Variants in PIP4K2B observed in about 807,000 individuals in gnomAD.
PIP4K2B encodes phosphatidylinositol-5-phosphate 4-kinase type 2 beta.
Under a neutral mutation model 42.0 loss-of-function variants are expected in PIP4K2B, and 3 were observed. That is an observed-to-expected ratio of 0.07 (90% CI 0.03 to 0.18). The LOEUF (loss-of-function observed/expected upper bound fraction) is 0.18, where lower values mean the gene tolerates loss of function less well. Among genes scored for constraint, PIP4K2B ranks in the 10% least tolerant of loss-of-function variants. The pLI, the probability that PIP4K2B is intolerant of heterozygous loss-of-function variation, is 1.00. For synonymous variants in PIP4K2B, 204 were observed against 210.1 expected (o/e 0.97, Z 0.25); for missense variants, 332 against 562.3 (o/e 0.59, Z 4.14).
chr17:38,771,294 A>G (rs756576046), intron 7 of PIP4K2B, 22 bp from the exon 8 acceptor site: 1 of 1,613,850 alleles, frequency 6.2e-7, no homozygotes, highest in East Asian at 2.2e-5. Flanking sequence ...AAGGATGGAA[A>G]GATGGAAGGA....
Position 38,799,450 on chromosome 17 carries a change from AAAGAGGGGGGCGGCGG to A in PIP4K2B, c.-42_-27del. The A allele has an allele frequency of 6.5e-7, 1 of 1,548,202 alleles. No individual in the cohort carries two copies. Among genetic ancestry groups the A allele is most frequent in the Non-Finnish European group, 8.7e-7 (1 of 1,155,494 alleles). On this transcript the variant is annotated 5_prime_UTR_variant, in exon 1 of 10. Coordinates refer to ENST00000619039, the MANE Select transcript of PIP4K2B (RefSeq NM_003559.5). The surrounding 1 kb of genome is among the most constrained non-coding windows in gnomAD (Gnocchi z 4.4). ...GCCCGGGGCGGCGGCGGCGGCGGCGAAAGAGGGGGGCGGCGGAGACAGCGCACAAGCCAGCGGCCTC... is the reference window on the plus strand; with the variant it reads ...GCCCGGGGCGGCGGCGGCGGCGGCGAAGACAGCGCACAAGCCAGCGGCCTC...
At chr17:38,770,630 G>T in intron 8 of PIP4K2B, 91 bp from the exon 9 acceptor site, 1 of 766,916 alleles carries the variant, frequency 1.3e-6, no homozygotes, top group Non-Finnish European at 2.3e-6. Flanking sequence ...CAGACACAAG[G>T]CTCAGCTCCA....
chr17:38,774,951 T>G (rs916074935), intron 7 of PIP4K2B, among the ~76,000 whole-genome samples: 1 of 151,802 alleles, frequency 6.6e-6, no homozygotes, highest in Non-Finnish European at 1.5e-5. Flanking sequence ...TGTGTGTGTG[T>G]GTGTGTGTGT....
At chr17:38,794,606 C>G (rs1310144321) in intron 1 of PIP4K2B, among the ~76,000 whole-genome samples, 1 of 52,740 alleles carries the variant, frequency 1.9e-5, no homozygotes, top group Non-Finnish European at 3.3e-5. Context: ...AACCCCAATT[C>G]ATTAAAAAAA....
intron 7 of PIP4K2B, among the ~76,000 whole-genome samples, chr17:38,772,847 C>T (rs1229044855): frequency 2.6e-5 from 4 of 152,152 alleles, no homozygotes; most frequent in Admixed American, 1.3e-4. Context: ...CCCAAAAGTG[C>T]TGGGATTACA....
chr17:38,788,640 T>C (rs890419937), intron 1 of PIP4K2B, among the ~76,000 whole-genome samples: 1 of 152,000 alleles, frequency 6.6e-6, no homozygotes, highest in Non-Finnish European at 1.5e-5. Context: ...GAGGATCACT[T>C]GAGGCCAGGA....
intron 4 of PIP4K2B, 109 bp downstream of exon 4, chr17:38,780,343 C>G (rs1239300625): frequency 5.9e-6 from 5 of 844,516 alleles, no homozygotes; most frequent in Non-Finnish European, 9.0e-6. Context: ...TGATCAGAAG[C>G]AGCTGCCATT....
Position 38,780,515 on chromosome 17 carries a change from G to A in PIP4K2B, c.444C>T (p.Val148=). 1.2e-6 allele frequency: 2 copies of A among 1,614,058 alleles called. No individual in the cohort carries two copies. The highest frequency in any genetic ancestry group is 2.2e-5 in the East Asian group (1 of 44,882). ...CGTCCTCGCTGGACACAGTCTTGATGACAAAGCGCCGGTCGTAGGTGGTGA... is the reference window on the plus strand; with the variant it reads ...CGTCCTCGCTGGACACAGTCTTGATAACAAAGCGCCGGTCGTAGGTGGTGA... ...RFLTTYDRRF[V]IKTVSSEDVA... is the part of the protein sequence containing the mutation. Residue 148 remains valine, a synonymous_variant, in exon 4 of 10, where the codon GTC becomes GTT. Transcript: ENST00000619039.
At chr17:38,784,539 T>A (rs1909899996) in intron 2 of PIP4K2B, among the ~76,000 whole-genome samples, 200 bp from the exon 3 acceptor site, 1 of 152,094 alleles carries the variant, frequency 6.6e-6, no homozygotes, top group African/African-American at 2.4e-5. Flanking sequence ...CCCAGCCTCA[T>A]CTATATTCTG....
intron 7 of PIP4K2B, chr17:38,776,222 A>G (rs901657717): frequency 2.0e-4 from 63 of 316,510 alleles, no homozygotes; most frequent in Admixed American, 1.8e-3. Context: ...CGCCCACCTC[A>G]GCCTCCCAAA....
In PIP4K2B at chr17:38,793,246, CT is replaced by C. The variant is rs67325199; in HGVS notation, c.159+6019del. The stretch of plus-strand genomic sequence containing the variant: ...TCCCAGCCATCTCTGAAGATTTTTT[CT>C]TTTTTTTTTTTTTTTGAGACGGAGT... On this transcript the variant is annotated intron_variant, in intron 1 of 9. Coordinates refer to ENST00000619039, the MANE Select transcript of PIP4K2B (RefSeq NM_003559.5). Among the ~76,000 whole-genome samples, 937 of 127,998 alleles carry C rather than the reference CT, an allele frequency of 7.3e-3. 4 individuals are homozygous for C. Among genetic ancestry groups the C allele is most frequent in the African/African-American group, 0.021 (731 of 34,602 alleles). 84.0% of individuals were successfully genotyped at this position (127,998 alleles called of 152,430 possible). A position where few individuals can be genotyped will look rare whatever the true frequency, so the allele number is the denominator to read the frequency against.
chr17:38,783,173 T>C (rs228299), intron 3 of PIP4K2B, among the ~76,000 whole-genome samples: 131,023 of 138,910 alleles, frequency 0.94, 61,813 homozygotes, highest in East Asian at 1. Flanking sequence ...CCAGCCTGGA[T>C]GACAGGAGTG....
chr17:38,771,344 G>C, intron 7 of PIP4K2B, 72 bp from the exon 8 acceptor site: 3 of 1,533,012 alleles, frequency 2.0e-6, no homozygotes, highest in Non-Finnish European at 2.7e-6. Context: ...CATCCAGAAA[G>C]GGGGGAAAGG....
At chr17:38,773,005 C>A (rs1443141579) in intron 7 of PIP4K2B, among the ~76,000 whole-genome samples, 1 of 152,192 alleles carries the variant, frequency 6.6e-6, no homozygotes, top group Non-Finnish European at 1.5e-5. Flanking sequence ...AAAAAAAATT[C>A]ACGCATAGTA....
chr17:38,771,366 A>C, intron 7 of PIP4K2B, 94 bp from the exon 8 acceptor site: 1 of 1,371,910 alleles, frequency 7.3e-7, no homozygotes, highest in South Asian at 1.3e-5. Context: ...ATTCCTTTCA[A>C]CTCAATTCTA....
intron 7 of PIP4K2B, among the ~76,000 whole-genome samples, chr17:38,771,893 G>A (rs571878255): frequency 3.9e-4 from 60 of 152,268 alleles, no homozygotes; most frequent in African/African-American, 1.3e-3. Context: ...GGCTGGGCGT[G>A]GCAGTGCACA....
In PIP4K2B at chr17:38,765,740, C is replaced by T. The variant is rs1326663823; in HGVS notation, c.*3951G>A. The T allele has an allele frequency of 1.3e-5, 2 of 152,414 alleles. No homozygotes were observed. Among genetic ancestry groups the T allele is most frequent in the East Asian group, 3.9e-4 (2 of 5,190 alleles). 9.4% of individuals were successfully genotyped at this position (152,414 alleles called of 1,614,324 possible). On this transcript the variant is annotated 3_prime_UTR_variant, in exon 10 of 10. Transcript: ENST00000619039. Reference sequence around the variant, plus strand: ...TTTTTTCCTCAGGTTGGAGATTCATCGTAACATGCATGCATTTTCAAACAG... The same window carrying T: ...TTTTTTCCTCAGGTTGGAGATTCATTGTAACATGCATGCATTTTCAAACAG...
At chr17:38,772,579 C>A (rs1302753677) in intron 7 of PIP4K2B, among the ~76,000 whole-genome samples, 1 of 150,772 alleles carries the variant, frequency 6.6e-6, no homozygotes, top group Admixed American at 6.6e-5. Context: ...CAAAGAGAAG[C>A]CATAAAGTGC....
At position 38,769,092 on chromosome 17, in the gene PIP4K2B, G is replaced by A. The variant is rs1167796514; in HGVS notation, c.*599C>T. Reference sequence around the variant, plus strand: ...TTTCACTTGAATCCAAGGGAAAGGTGGAGGAAGTTGTGCACAATACTCCAT... The same window carrying A: ...TTTCACTTGAATCCAAGGGAAAGGTAGAGGAAGTTGTGCACAATACTCCAT... On this transcript the variant is annotated 3_prime_UTR_variant, in exon 10 of 10. Transcript: ENST00000619039. 1 of 152,636 alleles carries A rather than the reference G, an allele frequency of 6.6e-6. No individual in the cohort carries two copies. The highest frequency in any genetic ancestry group is 2.4e-5 in the African/African-American group (1 of 41,448). The allele number at this position is 152,636 out of a possible 1,614,324, so 9.5% of individuals were successfully genotyped here.
Sources: gnomAD v4.1 joint callset for allele counts (sites outside exome capture counted in the v4.1 genomes callset) on GRCh38, gnomAD v4.1.1 for gene constraint, Gnocchi (gnomAD v3.1) non-coding constraint, MANE v1.5 for transcripts, NCBI Gene and HGNC (gene_info 2026-07-23, HGNC 2026-07-21) for gene names.